NWD2: variants seen among roughly 807,000 people sequenced by gnomAD.
The protein encoded by NWD2 is NACHT and WD repeat domain-containing protein 2.
A neutral mutation model predicts 132.7 loss-of-function variants in NWD2; 37 were observed. That is an observed-to-expected ratio of 0.28 (90% CI 0.21 to 0.37). NWD2 has a LOEUF of 0.37. Among genes scored for constraint, NWD2 ranks in the 10% least tolerant of loss-of-function variants. The probability of loss-of-function intolerance (pLI) is 1.00; values close to 1 mark genes in which losing one functional copy is unlikely to be tolerated. For missense variants in NWD2, 1,592 were observed against 2,122.4 expected, an observed-to-expected ratio of 0.75 and a Z score of 4.91; for synonymous variants, 705 against 803.0, an observed-to-expected ratio of 0.88 and a Z score of 2.06.
chr4:37,415,715 A>AT (rs1249283557), intron 3 of NWD2, among the ~76,000 whole-genome samples: 1 of 151,660 alleles, frequency 6.6e-6, no homozygotes, highest in African/African-American at 2.4e-5. Context: ...AAAAAAAAAA[A>AT]AAAAATAGGC....
intron 3 of NWD2, among the ~76,000 whole-genome samples, chr4:37,356,947 C>G (rs776989440): frequency 6.6e-6 from 1 of 152,120 alleles, no homozygotes; most frequent in Non-Finnish European, 1.5e-5. Flanking sequence ...GCAAATGGTG[C>G]CCTGTGAAAA....
chr4:37,294,514 T>A (rs892406186), intron 1 of NWD2, among the ~76,000 whole-genome samples: 1 of 152,184 alleles, frequency 6.6e-6, no homozygotes. Context: ...TCCTGCTTAT[T>A]AATAAGATAG....
intron 3 of NWD2, among the ~76,000 whole-genome samples, chr4:37,367,876 C>G (rs535589711): frequency 6.6e-6 from 1 of 152,264 alleles, no homozygotes; most frequent in South Asian, 2.1e-4. Flanking sequence ...GGATTTCAGT[C>G]TAAGTCTCTT....
intron 2 of NWD2, among the ~76,000 whole-genome samples, chr4:37,335,300 C>CAG (rs1427452384): frequency 1.6e-5 from 1 of 62,326 alleles, no homozygotes; most frequent in African/African-American, 6.3e-5. Flanking sequence ...GGGGGGTGGG[C>CAG]GGGGGGGGGG....
chr4:37,445,015 G>T lies in NWD2; in HGVS notation c.3027G>T (p.Gln1009His). Residue 1009 changes from glutamine to histidine, a missense_variant, in exon 7 of 7, where the codon CAG becomes CAT. Transcript: ENST00000309447. The surrounding 1 kb of genome is among the most constrained non-coding windows in gnomAD (Gnocchi z 4.7). ...TACTCAGGCAAATCACCACAGCCCA[G>T]TCTGTCATCCTGGGCATGAAACTCA... ...RQLLRQITTA[Q>H]SVILGMKLTS... 6.4e-7 allele frequency: 1 copy of T among 1,551,944 alleles called. No homozygotes were observed.
At chr4:37,373,142 T>A (rs1278663068) in intron 3 of NWD2, among the ~76,000 whole-genome samples, 1 of 152,230 alleles carries the variant, frequency 6.6e-6, no homozygotes, top group African/African-American at 2.4e-5. Flanking sequence ...TAGTAATTCA[T>A]GTAACCTCAC....
chr4:37,427,972 T>G (rs115520067), intron 3 of NWD2, among the ~76,000 whole-genome samples: 58 of 152,374 alleles, frequency 3.8e-4, no homozygotes, highest in African/African-American at 1.3e-3. Flanking sequence ...GAAAGAAGCT[T>G]CAGAGAAGAG....
At chr4:37,347,091 G>T (rs1051421974) in intron 2 of NWD2, among the ~76,000 whole-genome samples, 2 of 151,804 alleles carry the variant, frequency 1.3e-5, no homozygotes, top group Non-Finnish European at 2.9e-5. Context: ...CTATTTAGGA[G>T]TATATTGGTT....
intron 3 of NWD2, among the ~76,000 whole-genome samples, chr4:37,411,633 A>G (rs1256308980): frequency 6.6e-6 from 1 of 152,230 alleles, no homozygotes; most frequent in African/African-American, 2.4e-5. Flanking sequence ...AACTCATTTT[A>G]TGAGGCCAGC....
chr4:37,367,858 A>G (rs979598592), intron 3 of NWD2, among the ~76,000 whole-genome samples: 3 of 152,152 alleles, frequency 2.0e-5, no homozygotes, highest in Non-Finnish European at 4.4e-5. Flanking sequence ...AGTAAGGGAT[A>G]AGAGCCAGGA....
chr4:37,303,822 T>G (rs1168469522), intron 1 of NWD2, among the ~76,000 whole-genome samples: 2 of 152,168 alleles, frequency 1.3e-5, no homozygotes, highest in Admixed American at 6.5e-5. Context: ...ATTTTAAGAG[T>G]TATTTAATAG....
intron 1 of NWD2, among the ~76,000 whole-genome samples, chr4:37,252,045 C>T (rs17492813): frequency 0.12 from 18,507 of 152,120 alleles, 1,447 homozygotes; most frequent in South Asian, 0.18. Flanking sequence ...TAAACCAACT[C>T]GAGGTGTGGA....
At chr4:37,431,807 C>T (rs897970216) in intron 4 of NWD2, among the ~76,000 whole-genome samples, 3 of 152,104 alleles carry the variant, frequency 2.0e-5, no homozygotes, top group African/African-American at 7.2e-5. Context: ...TTCCATTTAG[C>T]ATCTCTGACT....
At chr4:37,366,920 G>A (rs1020956701) in intron 3 of NWD2, among the ~76,000 whole-genome samples, 12 of 152,150 alleles carry the variant, frequency 7.9e-5, no homozygotes, top group Non-Finnish European at 1.5e-5. Flanking sequence ...GTATCTAAGA[G>A]AAGTAGAAAA....
rs76058551 is a variant in NWD2 at position 37,405,852 on chromosome 4, A to G, written c.358-24720A>G. On this transcript the variant is annotated intron_variant, in intron 3 of 6. Coordinates refer to ENST00000309447, the MANE Select transcript of NWD2 (RefSeq NM_001144990.2). ...TTACAGTCATTTTAGAGAAAGGGGGACCAGGGGATTTAGATATACTTAACA... is the reference window on the plus strand; with the variant it reads ...TTACAGTCATTTTAGAGAAAGGGGGGCCAGGGGATTTAGATATACTTAACA... 7.3e-3 allele frequency among the ~76,000 whole-genome samples: 1,108 copies of G among 152,272 alleles called. 16 individuals carry two copies. Among genetic ancestry groups the G allele is most frequent in the African/African-American group, 0.025 (1,058 of 41,562 alleles).
intron 1 of NWD2, among the ~76,000 whole-genome samples, chr4:37,276,261 C>T (rs142293661): frequency 0.16 from 24,634 of 151,994 alleles, 2,556 homozygotes; most frequent in South Asian, 0.32. Flanking sequence ...AAGAAAAAAA[C>T]AAACAACCCC....
At chr4:37,398,318 GA>G (rs1720840035) in intron 3 of NWD2, among the ~76,000 whole-genome samples, 1 of 152,142 alleles carries the variant, frequency 6.6e-6, no homozygotes, top group South Asian at 2.1e-4. Context: ...GATGAAGCTG[GA>G]AACCATCATC....
At chr4:37,298,178 A>G (rs139455999) in intron 1 of NWD2, among the ~76,000 whole-genome samples, 1 of 152,176 alleles carries the variant, frequency 6.6e-6, no homozygotes, top group Non-Finnish European at 1.5e-5. Context: ...TATATTAATA[A>G]TTTTTATCTA....
intron 3 of NWD2, among the ~76,000 whole-genome samples, chr4:37,381,625 T>G (rs1200128551): frequency 6.6e-6 from 1 of 152,206 alleles, no homozygotes; most frequent in Non-Finnish European, 1.5e-5. Flanking sequence ...TACACAATTA[T>G]GAAATTAATA....
Sources: allele counts gnomAD v4.1 joint callset (sites outside exome capture counted in the v4.1 genomes callset), GRCh38; gene constraint gnomAD v4.1.1; non-coding constraint Gnocchi (gnomAD v3.1); transcripts MANE v1.5; gene names NCBI Gene and HGNC (gene_info 2026-07-23, HGNC 2026-07-21).